WNT2B: variants seen among roughly 807,000 people sequenced by gnomAD.
The protein encoded by WNT2B is Wnt family member 2B.
Under a neutral mutation model 40.5 loss-of-function variants are expected in WNT2B, and 19 were observed. That is an observed-to-expected ratio of 0.47 (90% confidence interval 0.33 to 0.69). The LOEUF (loss-of-function observed/expected upper bound fraction) is 0.69, where lower values mean the gene tolerates loss of function less well. WNT2B is among the 30% of genes least tolerant of loss of function. The probability of loss-of-function intolerance (pLI) is 0.02; values close to 1 mark genes in which losing one functional copy is unlikely to be tolerated. For missense variants in WNT2B, 467 were observed against 556.4 expected (o/e 0.84, Z 1.62); for synonymous variants, 220 against 211.9 (o/e 1.04, Z -0.33).
At chr1:112,520,194 T>A in intron 4 of WNT2B, 86 bp from the exon 5 acceptor site, 1 of 1,366,824 alleles carries the variant, frequency 7.3e-7, no homozygotes, top group Non-Finnish European at 1.0e-6. Context: ...CGATTCTTTT[T>A]ATCTTCCTTC....
intron 2 of WNT2B, 42 bp from the exon 3 acceptor site, chr1:112,516,098 G>A (rs1284572904): frequency 6.3e-7 from 1 of 1,578,570 alleles, no homozygotes; most frequent in South Asian, 1.2e-5. Flanking sequence ...GGACAGACAT[G>A]GGCCTCTTTC....
chr1:112,478,943 T>C (rs560938306), intron 1 of WNT2B, among the ~76,000 whole-genome samples: 9 of 151,986 alleles, frequency 5.9e-5, no homozygotes, highest in Admixed American at 2.6e-4. Flanking sequence ...ACTAAAGGGC[T>C]GGGCGCAGTG....
rs543169420 is a variant in WNT2B, at chr1:112,484,979, A to C, written c.-95+17388A>C. ...TATGGCTATGAATTCAGTGCTCTCC[A>C]AATAATTCATATATAGATTTAATGC... On this transcript the variant is annotated intron_variant, in intron 1 of 4. Coordinates refer to the WNT2B transcript ENST00000256640. Among the ~76,000 whole-genome samples, 958 of 152,338 alleles carry C rather than the reference A, an allele frequency of 6.3e-3. 6 individuals are homozygous for C. Among genetic ancestry groups the C allele is most frequent in the Non-Finnish European group, 0.011 (760 of 68,036 alleles).
At chr1:112,503,991 C>T (rs962762189), upstream of WNT2B, among the ~76,000 whole-genome samples, 5 of 152,308 alleles carry the variant, frequency 3.3e-5, no homozygotes, top group African/African-American at 1.2e-4. Flanking sequence ...GGAAACAACT[C>T]TCACTTCCAG....
chr1:112,474,064 CAAAAAA>C (rs57010677), intron 1 of WNT2B, among the ~76,000 whole-genome samples: 11 of 118,050 alleles, frequency 9.3e-5, no homozygotes, highest in South Asian at 2.7e-4. Context: ...GACTCTGTCT[CAAAAAA>C]AAAAAAAAAA....
chr1:112,513,328 C>G (rs1305529197), intron 1 of WNT2B, among the ~76,000 whole-genome samples: 1 of 152,212 alleles, frequency 6.6e-6, no homozygotes, highest in Non-Finnish European at 1.5e-5. Context: ...TTGTTTGTTC[C>G]TGGAAGCTGT....
Position 112,517,349 on chromosome 1 carries a change from A to C in WNT2B, c.910A>C (p.Asn304His). ...CCGGACTGATCTTGTCTACTTTGAC[A>C]ACTCTCCAGATTACTGTGTCTTGGA... ...ATRTDLVYFDNSPDYCVLDKA... is the reference protein window; with the variant it reads ...ATRTDLVYFDHSPDYCVLDKA... Residue 304 changes from asparagine to histidine, a missense_variant, in exon 4 of 5, where the codon AAC (asparagine) becomes CAC (histidine). By Grantham distance (68) the Asn-to-His change is moderately conservative. Around this residue, in one of 2 missense-constraint regions of WNT2B, gnomAD observed 330 missense variants for 438.6 expected, o/e 0.75. Coordinates refer to ENST00000369684, the MANE Select transcript of WNT2B (RefSeq NM_024494.3). 1 of 1,612,140 alleles carries C rather than the reference A, an allele frequency of 6.2e-7. No individual in the cohort carries two copies. Among genetic ancestry groups the C allele is most frequent in the Non-Finnish European group, 8.5e-7 (1 of 1,178,404 alleles).
chr1:112,470,523 C>T (rs1051932006), intron 1 of WNT2B, among the ~76,000 whole-genome samples: 3 of 152,184 alleles, frequency 2.0e-5, no homozygotes, highest in Non-Finnish European at 4.4e-5. Context: ...AGGAGGCAGA[C>T]GTTGCAGTGA....
intron 1 of WNT2B, among the ~76,000 whole-genome samples, chr1:112,499,473 A>G (rs1000148190): frequency 6.6e-6 from 1 of 152,244 alleles, no homozygotes; most frequent in Non-Finnish European, 1.5e-5. Context: ...TATCCCAGAT[A>G]TGCAAGGCTG....
chr1:112,512,729 A>G (rs1369775989), intron 1 of WNT2B, among the ~76,000 whole-genome samples: 1 of 152,148 alleles, frequency 6.6e-6, no homozygotes, highest in African/African-American at 2.4e-5. Flanking sequence ...CACATGGTAG[A>G]CATTTTGCAG....
intron 1 of WNT2B, among the ~76,000 whole-genome samples, chr1:112,492,081 G>A (rs544148384): frequency 6.6e-6 from 1 of 152,134 alleles, no homozygotes; most frequent in South Asian, 2.1e-4. Context: ...AATAGGAAAA[G>A]ACATTTTCAA....
At chr1:112,469,973 C>G (rs1353332050) in intron 1 of WNT2B, among the ~76,000 whole-genome samples, 1 of 152,128 alleles carries the variant, frequency 6.6e-6, no homozygotes, top group Admixed American at 6.5e-5. Flanking sequence ...TTCTGAGTAG[C>G]TCATCTTTTA....
intron 1 of WNT2B, among the ~76,000 whole-genome samples, chr1:112,467,913 C>G: frequency 6.6e-6 from 1 of 152,180 alleles, no homozygotes; most frequent in East Asian, 1.9e-4. Context: ...TTTCTTCTAT[C>G]TAACTGTATG....
At chr1:112,470,986 T>C (rs910880506) in intron 1 of WNT2B, among the ~76,000 whole-genome samples, 4 of 152,326 alleles carry the variant, frequency 2.6e-5, no homozygotes, top group African/African-American at 7.2e-5. Flanking sequence ...GGAGTAGTAG[T>C]TCATGTGGGC....
rs1239011773 is a variant in WNT2B, at chr1:112,527,431, T to C, written c.*6922T>C. 6.5e-6 allele frequency: 1 copy of C among 152,716 alleles called. No individual in the cohort carries two copies. The highest frequency in any genetic ancestry group is 6.5e-5 in the Admixed American group (1 of 15,284). 9.5% of individuals were successfully genotyped at this position (152,716 alleles called of 1,614,324 possible). A position where few individuals can be genotyped will look rare whatever the true frequency, so the allele number is the denominator to read the frequency against. On this transcript the variant is annotated 3_prime_UTR_variant, in exon 5 of 5. Transcript: ENST00000369684. ...CTGCATGTGGGCTCAGAAGTCATCA[T>C]CTAAAGAATTCCATTGCTCACCTCC...
chr1:112,474,827 C>A (rs1651008111), intron 1 of WNT2B, among the ~76,000 whole-genome samples: 1 of 152,168 alleles, frequency 6.6e-6, no homozygotes. Flanking sequence ...ACCCTTGGTG[C>A]TGTTCTCATG....
intron 1 of WNT2B, among the ~76,000 whole-genome samples, chr1:112,485,214 A>C (rs1385729759): frequency 6.6e-6 from 1 of 152,200 alleles, no homozygotes; most frequent in African/African-American, 2.4e-5. Context: ...TAATCCCAGC[A>C]CTTTGGGAGG....
chr1:112,478,036 C>T lies in WNT2B; in HGVS notation c.-95+10445C>T, dbSNP rs182381035. On this transcript the variant is annotated intron_variant, in intron 1 of 4. Coordinates refer to the WNT2B transcript ENST00000256640. ...ATCACTTGAGCCCAGGAGTTCAAGACCAGCCTGGGCAACATAGTGAGACCT... is the reference window on the plus strand; with the variant it reads ...ATCACTTGAGCCCAGGAGTTCAAGATCAGCCTGGGCAACATAGTGAGACCT... Among the ~76,000 whole-genome samples the T allele has an allele frequency of 8.5e-4, 130 of 152,244 alleles. No homozygotes were observed. In the Middle Eastern group the frequency reaches 0.027, roughly 32 times the overall value.
chr1:112,468,416 A>C (rs149666249), intron 1 of WNT2B, among the ~76,000 whole-genome samples: 1 of 152,186 alleles, frequency 6.6e-6, no homozygotes, highest in Non-Finnish European at 1.5e-5. Context: ...CATTCCCACC[A>C]TCAGTGTATA....
Sources: gnomAD v4.1 joint callset for allele counts (sites outside exome capture counted in the v4.1 genomes callset) on GRCh38, gnomAD v4.1.1 for gene constraint, gnomAD v4.1.1 regional missense constraint, MANE v1.5 for transcripts, NCBI Gene and HGNC (gene_info 2026-07-23, HGNC 2026-07-21) for gene names.